Variants in ZNF329 observed in about 807,000 individuals in gnomAD.
ZNF329 encodes the protein zinc finger protein 329.
Under a neutral mutation model 26.6 loss-of-function variants are expected in ZNF329, and 15 were observed. That is an observed-to-expected ratio of 0.56 (90% CI 0.38 to 0.87). ZNF329 has a LOEUF of 0.87. ZNF329 is among the 40% of genes least tolerant of loss of function. The pLI, the probability that ZNF329 is intolerant of heterozygous loss-of-function variation, is 0.00. For missense variants in ZNF329, 651 were observed against 651.9 expected (o/e 1.00, Z 0.02); for synonymous variants, 239 against 233.5 (o/e 1.02, Z -0.21).
rs1337274760 is a variant in ZNF329 at position 58,128,827 on chromosome 19, G to A, written c.677C>T (p.Thr226Ile). ...ATTACAAGTATAAGGCTTCTCTCCG[G>A]TGTGAGTTCGGTGATGCAAAACAAG... ...SSLVLHHRTH[T>I]GEKPYTCNEC... Residue 226 changes from threonine to isoleucine, a missense_variant, in exon 4 of 4, where the codon ACC (threonine) becomes ATC (isoleucine). Physicochemically the swap from Thr to Ile is moderately conservative, Grantham distance 89. Transcript: ENST00000598312. 1 of 1,608,738 alleles carries A rather than the reference G, an allele frequency of 6.2e-7. No homozygotes were observed. The highest frequency in any genetic ancestry group is 1.7e-5 in the Admixed American group (1 of 58,714).
At chr19:58,140,645 G>T (rs1199463298) in intron 3 of ZNF329, among the ~76,000 whole-genome samples, 2 of 151,348 alleles carry the variant, frequency 1.3e-5, no homozygotes, top group African/African-American at 4.9e-5. Flanking sequence ...TCGATCTCCT[G>T]ACCTCGTGAT....
chr19:58,147,624 G>A (rs2075352036), intron 1 of ZNF329, among the ~76,000 whole-genome samples: 3 of 135,728 alleles, frequency 2.2e-5, no homozygotes, highest in East Asian at 2.3e-4. Flanking sequence ...CTGGCCAGAC[G>A]CCCCGTCCAG....
rs74269140 is a variant in ZNF329, at chr19:58,127,484, GAA to G, written c.*392_*393del. 3.9e-4 allele frequency: 56 copies of G among 144,362 alleles called. No homozygotes were observed. Among genetic ancestry groups the G allele is most frequent in the Non-Finnish European group, 4.5e-4 (30 of 66,954 alleles). The allele number at this position is 144,362 out of a possible 1,614,324, so 8.9% of individuals were successfully genotyped here. A position where few individuals can be genotyped will look rare whatever the true frequency, so the allele number is the denominator to read the frequency against. On this transcript the variant is annotated 3_prime_UTR_variant, in exon 4 of 4. Coordinates refer to ENST00000598312, the MANE Select transcript of ZNF329 (RefSeq NM_024620.4). ...GCCACTGCACAGTGAGACTCTGTCCGAAAAAAAAAAAAAAGTTGATTCAGTGT... is the reference window on the plus strand; with the variant it reads ...GCCACTGCACAGTGAGACTCTGTCCGAAAAAAAAAAAAGTTGATTCAGTGT...
In ZNF329 at chr19:58,129,630, A is replaced by G. The variant is rs1259283836; in HGVS notation, c.-8-119T>C. 7.7e-6 allele frequency: 7 copies of G among 914,448 alleles called. No homozygotes were observed. In the African/African-American group the frequency reaches 1.2e-4, roughly 15 times the overall value. 56.6% of individuals were successfully genotyped at this position (914,448 alleles called of 1,614,324 possible). Reference sequence around the variant, plus strand: ...TTTTTTTACTTGTTTTCTCTTTTAAATTCAAATTTATACAAGGAAGAGGTA... The same window carrying G: ...TTTTTTTACTTGTTTTCTCTTTTAAGTTCAAATTTATACAAGGAAGAGGTA... On this transcript the variant is annotated intron_variant, in intron 3 of 3. Coordinates refer to ENST00000598312, the MANE Select transcript of ZNF329 (RefSeq NM_024620.4).
intron 3 of ZNF329, among the ~76,000 whole-genome samples, chr19:58,134,111 C>T (rs754383745): frequency 2.6e-5 from 4 of 152,156 alleles, no homozygotes; most frequent in Admixed American, 6.5e-5. Flanking sequence ...TTTCTACTTC[C>T]AGAAGATACT....
chr19:58,137,059 A>G (rs529268077), intron 3 of ZNF329: 1 of 55,920 alleles, frequency 1.8e-5, no homozygotes, highest in Non-Finnish European at 3.7e-5. Context: ...AAGTACAGAT[A>G]AAAAAAAAAA....
chr19:58,128,268 C>A lies in ZNF329; in HGVS notation c.1236G>T (p.Ala412=), dbSNP rs77572421. 4.4e-6 allele frequency: 7 copies of A among 1,607,418 alleles called. No homozygotes were observed. Among genetic ancestry groups the A allele is most frequent in the African/African-American group, 1.3e-5 (1 of 74,886 alleles). ...KECGKTFIES[A]YLIRHQRIHT... ...GAATCCTCTGATGCCTGATGAGGTA[C>A]GCACTCTCGATGAAAGTCTTGCCAC... Residue 412 remains alanine, a synonymous_variant, in exon 4 of 4, where the codon GCG becomes GCT. Coordinates refer to ENST00000598312, the MANE Select transcript of ZNF329 (RefSeq NM_024620.4).
upstream of ZNF329, among the ~76,000 whole-genome samples, chr19:58,152,937 A>C (rs2075484081): frequency 5.3e-5 from 8 of 152,210 alleles, no homozygotes; most frequent in Admixed American, 5.2e-4. Flanking sequence ...ACTAATACAG[A>C]CACAAATATC....
At chr19:58,149,638 T>G (rs1006929260) in intron 1 of ZNF329, among the ~76,000 whole-genome samples, 1 of 152,028 alleles carries the variant, frequency 6.6e-6, no homozygotes, top group Non-Finnish European at 1.5e-5. Flanking sequence ...TCACTTGCTG[T>G]GGGAAAAAAG....
At position 58,131,259 on chromosome 19, in the gene ZNF329, A is replaced by G. The variant is rs549350341; in HGVS notation, c.-8-1748T>C. 3.3e-5 allele frequency among the ~76,000 whole-genome samples: 5 copies of G among 152,166 alleles called. No individual in the cohort carries two copies. The East Asian group carries it at 9.7e-4, about 29-fold the overall frequency. ...ATCAACAAAACTTAACCAAAAAACC[A>G]TATGGCCAAGCATTGGGGGTCATGC... On this transcript the variant is annotated intron_variant, in intron 3 of 3. Transcript: ENST00000598312.
chr19:58,140,337 T>C (rs1378688356), intron 3 of ZNF329, among the ~76,000 whole-genome samples: 1 of 151,940 alleles, frequency 6.6e-6, no homozygotes, highest in Non-Finnish European at 1.5e-5. Context: ...AAACAGATTA[T>C]AAACCGTGCA....
intron 1 of ZNF329, among the ~76,000 whole-genome samples, chr19:58,144,029 C>T (rs372968501): frequency 1.3e-5 from 2 of 151,330 alleles, no homozygotes; most frequent in Non-Finnish European, 2.9e-5. Context: ...TGCAGTGAGC[C>T]GAGATTGCAC....
intron 1 of ZNF329, among the ~76,000 whole-genome samples, chr19:58,144,252 G>C (rs1351280407): frequency 6.6e-6 from 1 of 151,314 alleles, no homozygotes; most frequent in South Asian, 2.1e-4. Context: ...TCAACTCACT[G>C]CAACCTCCGC....
At chr19:58,154,304 A>G (rs1227592575), upstream of ZNF329, among the ~76,000 whole-genome samples, 1 of 152,124 alleles carries the variant, frequency 6.6e-6, no homozygotes, top group Non-Finnish European at 1.5e-5. Flanking sequence ...CCACAGCTGT[A>G]ACTTATTTAA....
At position 58,127,959 on chromosome 19, in the gene ZNF329, CT is replaced by C; in HGVS notation, c.1544del (p.Gln515ArgfsTer49). On this transcript the variant is annotated frameshift_variant, in exon 4 of 4. Coordinates refer to ENST00000598312, the MANE Select transcript of ZNF329 (RefSeq NM_024620.4). LOFTEE classifies it low-confidence loss of function (END_TRUNC). The part of the protein sequence containing the change: ...HSREGPSRCP[Q>X]CGKMFQKSSS... ...AGCTCTTTTGGAACATTTTTCCACA[CT>C]GAGGACACCGGCTGGGACCCTCCCT... 1 of 1,613,970 alleles carries C rather than the reference CT, an allele frequency of 6.2e-7. No homozygotes were observed. Among genetic ancestry groups the C allele is most frequent in the Non-Finnish European group, 8.5e-7 (1 of 1,179,966 alleles).
At chr19:58,141,439 C>T (rs980238856) in intron 3 of ZNF329, among the ~76,000 whole-genome samples, 2 of 152,110 alleles carry the variant, frequency 1.3e-5, no homozygotes, top group African/African-American at 4.8e-5. Flanking sequence ...CCTGGGATTA[C>T]AGGCATGTGC....
intron 3 of ZNF329, among the ~76,000 whole-genome samples, chr19:58,136,221 C>T (rs1054946010): frequency 2.0e-5 from 3 of 148,962 alleles, no homozygotes; most frequent in African/African-American, 7.5e-5. Flanking sequence ...CAGAGCGAGA[C>T]TCCATCTCAA....
At chr19:58,144,396 A>ATATATTTTT (rs756544055) in intron 1 of ZNF329, among the ~76,000 whole-genome samples, 2 of 127,660 alleles carry the variant, frequency 1.6e-5, no homozygotes, top group African/African-American at 6.0e-5. Flanking sequence ...ATATATATAT[A>ATATATTTTT]TTTTTTTTTT....
Position 58,132,848 on chromosome 19 carries a change from T to G in ZNF329, c.-8-3337A>C, listed in dbSNP as rs372595257. ...TTTTTTTTGAGACAGAGTCTTGCAC[T>G]GTCACCCAGGCTGGAGTGCAGTGGT... On this transcript the variant is annotated intron_variant, in intron 3 of 3. Transcript: ENST00000598312. 3.9e-5 allele frequency among the ~76,000 whole-genome samples: 6 copies of G among 151,962 alleles called. No homozygotes were observed. The South Asian group carries it at 1.2e-3, about 32-fold the overall frequency.
Sources: gnomAD v4.1 joint callset for allele counts (sites outside exome capture counted in the v4.1 genomes callset) on GRCh38, gnomAD v4.1.1 for gene constraint, MANE v1.5 for transcripts, NCBI Gene and HGNC (gene_info 2026-07-23, HGNC 2026-07-21) for gene names.